The following SLC35F1 variants were observed in gnomAD, a reference collection of about 807,000 sequenced individuals.
The protein encoded by SLC35F1 is solute carrier family 35 member F1.
In SLC35F1, 14 loss-of-function variants were observed where a neutral mutation model predicts 48.7. The ratio of observed to expected loss-of-function variants is 0.29; its 90% CI spans 0.19 to 0.45. The LOEUF is 0.45. Among genes scored for constraint, SLC35F1 ranks in the 20% least tolerant of loss-of-function variants. The pLI, the probability that SLC35F1 is intolerant of heterozygous loss-of-function variation, is 1.00. For synonymous variants in SLC35F1, 190 were observed against 202.2 expected, an observed-to-expected ratio of 0.94 and a Z score of 0.51; for missense variants, 404 against 500.0, an observed-to-expected ratio of 0.81 and a Z score of 1.83.
At chr6:118,310,641 C>T (rs970882186) in intron 7 of SLC35F1, among the ~76,000 whole-genome samples, 1 of 152,072 alleles carries the variant, frequency 6.6e-6, no homozygotes, top group African/African-American at 2.4e-5. Flanking sequence ...ACTTTCTCTA[C>T]CATTTATTAA....
rs183779459 is a variant in SLC35F1, at chr6:118,061,448, G to A, written c.174-92997G>A. Among the ~76,000 whole-genome samples the A allele has an allele frequency of 2.9e-3, 445 of 152,038 alleles. 2 individuals are homozygous for A. The highest frequency in any genetic ancestry group is 4.5e-3 in the Non-Finnish European group (309 of 67,958). Reference sequence around the variant, plus strand: ...AGAAAATCAGAATGAACTAAAGATTGTTTACTTGATAGCATCAAACAAACA... The same window carrying A: ...AGAAAATCAGAATGAACTAAAGATTATTTACTTGATAGCATCAAACAAACA... On this transcript the variant is annotated intron_variant, in intron 1 of 7. Transcript: ENST00000360388.
intron 4 of SLC35F1, among the ~76,000 whole-genome samples, chr6:118,274,798 T>C (rs919613757): frequency 5.9e-5 from 9 of 152,080 alleles, no homozygotes; most frequent in Non-Finnish European, 1.3e-4. Context: ...CTCAGGGGAG[T>C]TGAAAATTTC....
In SLC35F1 at chr6:118,317,250, C is replaced by T. The variant is rs140213469; in HGVS notation, c.*2998C>T. 9 of 152,270 alleles carry T rather than the reference C, an allele frequency of 5.9e-5. No individual in the cohort carries two copies. The highest frequency in any genetic ancestry group is 8.8e-5 in the Non-Finnish European group (6 of 68,030). The allele number at this position is 152,270 out of a possible 1,614,324, so 9.4% of individuals were successfully genotyped here. A position where few individuals can be genotyped will look rare whatever the true frequency, so the allele number is the denominator to read the frequency against. ...CGCTTGCCTTGGTCAGACCTTCCCACATCTACATACTCTCAAATACATGAC... is the reference window on the plus strand; with the variant it reads ...CGCTTGCCTTGGTCAGACCTTCCCATATCTACATACTCTCAAATACATGAC... On this transcript the variant is annotated 3_prime_UTR_variant, in exon 8 of 8. Coordinates refer to ENST00000360388, the MANE Select transcript of SLC35F1 (RefSeq NM_001029858.4).
intron 3 of SLC35F1, among the ~76,000 whole-genome samples, chr6:118,244,485 C>T (rs4946332): frequency 0.94 from 142,440 of 152,274 alleles, 66,866 homozygotes; most frequent in Middle Eastern, 0.98. Flanking sequence ...TAAGGGGTGA[C>T]TTATGCAGAA....
chr6:117,980,153 A>G (rs1776758234), intron 1 of SLC35F1, among the ~76,000 whole-genome samples: 1 of 152,172 alleles, frequency 6.6e-6, no homozygotes, highest in African/African-American at 2.4e-5. Context: ...TGTTCTCAAC[A>G]TCGTTGATTT....
intron 1 of SLC35F1, among the ~76,000 whole-genome samples, chr6:118,140,228 A>C (rs1473065301): frequency 1.3e-5 from 2 of 152,230 alleles, no homozygotes; most frequent in Non-Finnish European, 2.9e-5. Flanking sequence ...GATAAAATGA[A>C]GGAAGTTGCG....
intron 1 of SLC35F1, among the ~76,000 whole-genome samples, chr6:117,928,474 G>C (rs968618137): frequency 1.3e-5 from 2 of 151,962 alleles, no homozygotes; most frequent in Non-Finnish European, 2.9e-5. Context: ...AAATCAATTG[G>C]TGAAAACAAC....
rs1161703103 is a variant in SLC35F1 at position 117,907,567 on chromosome 6, C to T, written c.-160C>T. 4 of 386,414 alleles carry T rather than the reference C, an allele frequency of 1.0e-5. No individual in the cohort carries two copies. The highest frequency in any genetic ancestry group is 8.0e-5 in the South Asian group (1 of 12,514). 23.9% of individuals were successfully genotyped at this position (386,414 alleles called of 1,614,324 possible). On this transcript the variant is annotated 5_prime_UTR_variant, in exon 1 of 8. Coordinates refer to ENST00000360388, the MANE Select transcript of SLC35F1 (RefSeq NM_001029858.4). ...GAGTGGCGGGCTGGGCGGCGGCGGCCGTAGCCGCGGGTGCCTCCCCGCCTC... is the reference window on the plus strand; with the variant it reads ...GAGTGGCGGGCTGGGCGGCGGCGGCTGTAGCCGCGGGTGCCTCCCCGCCTC...
intron 1 of SLC35F1, among the ~76,000 whole-genome samples, chr6:117,996,726 G>C (rs6900608): frequency 0.65 from 99,198 of 151,898 alleles, 32,504 homozygotes; most frequent in East Asian, 0.79. Context: ...AGGGTCCTGT[G>C]TGTTAGAAGG....
Position 118,009,246 on chromosome 6 carries a change from G to GA in SLC35F1, c.173+101347_173+101348insA, listed in dbSNP as rs201222500. Among the ~76,000 whole-genome samples, 196 of 152,252 alleles carry GA rather than the reference G, an allele frequency of 1.3e-3. 3 individuals are homozygous for GA. In the East Asian group the frequency reaches 0.033, roughly 26 times the overall value. ...TCTGCCTTCATGGATAGAGGATAAAGGGATTAGGCAGATTAAGGAGATCCT... is the reference window on the plus strand; with the variant it reads ...TCTGCCTTCATGGATAGAGGATAAAGAGGATTAGGCAGATTAAGGAGATCCT... On this transcript the variant is annotated intron_variant, in intron 1 of 7. Coordinates refer to ENST00000360388, the MANE Select transcript of SLC35F1 (RefSeq NM_001029858.4).
chr6:118,054,394 A>T (rs1772433998), intron 1 of SLC35F1, among the ~76,000 whole-genome samples: 1 of 152,204 alleles, frequency 6.6e-6, no homozygotes, highest in Admixed American at 6.5e-5. Context: ...CATATATCAT[A>T]ATGCAATTTC....
chr6:118,098,561 G>A (rs1487498689), intron 1 of SLC35F1, among the ~76,000 whole-genome samples: 2 of 152,100 alleles, frequency 1.3e-5, no homozygotes, highest in Non-Finnish European at 2.9e-5. Context: ...TACCTCTGAA[G>A]ACTTTTTGCA....
chr6:118,056,310 T>A (rs183919487), intron 1 of SLC35F1, among the ~76,000 whole-genome samples: 106 of 152,318 alleles, frequency 7.0e-4, no homozygotes, highest in African/African-American at 2.5e-3. Context: ...ACAATATCCT[T>A]TTATTTTCAT....
At chr6:118,067,260 A>T (rs180806925) in intron 1 of SLC35F1, among the ~76,000 whole-genome samples, 237 of 152,268 alleles carry the variant, frequency 1.6e-3, no homozygotes, top group Middle Eastern at 3.4e-3. Flanking sequence ...GGGAGGATAT[A>T]TTAAATTTGA....
chr6:118,058,919 T>C (rs1164165497), intron 1 of SLC35F1, among the ~76,000 whole-genome samples: 1 of 152,222 alleles, frequency 6.6e-6, no homozygotes, highest in Non-Finnish European at 1.5e-5. Context: ...CATTTTCTAC[T>C]GAAATTTTTT....
intron 4 of SLC35F1, among the ~76,000 whole-genome samples, chr6:118,271,714 G>A (rs1341141411): frequency 1.3e-5 from 2 of 152,108 alleles, no homozygotes; most frequent in African/African-American, 2.4e-5. Flanking sequence ...AACAAAAATC[G>A]GATAAGGAAA....
chr6:117,923,760 TATGCAC>T (rs201177240), intron 1 of SLC35F1, among the ~76,000 whole-genome samples: 3,149 of 14,028 alleles, frequency 0.22, 891 homozygotes, highest in Middle Eastern at 0.69. Flanking sequence ...CATATATACA[TATGCAC>T]ATACATATGT....
chr6:118,309,710 C>T (rs1469013793), intron 7 of SLC35F1, among the ~76,000 whole-genome samples: 1 of 152,200 alleles, frequency 6.6e-6, no homozygotes, highest in African/African-American at 2.4e-5. Flanking sequence ...TGTTAAAATT[C>T]AACTTAGAAG....
chr6:118,204,260 T>C (rs977264676), intron 2 of SLC35F1, among the ~76,000 whole-genome samples: 2 of 151,870 alleles, frequency 1.3e-5, no homozygotes, highest in African/African-American at 4.8e-5. Context: ...AGTGGGGATC[T>C]GTGTTACTAC....
Sources: gnomAD v4.1 joint callset for allele counts (sites outside exome capture counted in the v4.1 genomes callset) on GRCh38, gnomAD v4.1.1 for gene constraint, MANE v1.5 for transcripts, NCBI Gene and HGNC (gene_info 2026-07-23, HGNC 2026-07-21) for gene names.